The following NCALD variants were observed in gnomAD, a reference collection of about 807,000 sequenced individuals.
NCALD encodes neurocalcin delta, also known as neurocalcin-delta.
Under a neutral mutation model 18.6 loss-of-function variants are expected in NCALD, and 10 were observed. That is an observed-to-expected ratio of 0.54 (90% confidence interval 0.33 to 0.91). NCALD has a LOEUF of 0.91. Ranked by LOEUF, NCALD falls within the 40% of genes least tolerant of loss-of-function variation. The probability of loss-of-function intolerance (pLI) is 0.03; values close to 1 mark genes in which losing one functional copy is unlikely to be tolerated. For missense variants in NCALD, 184 were observed against 247.6 expected (o/e 0.74, Z 1.72); for synonymous variants, 88 against 87.4 (o/e 1.01, Z -0.04).
intron 4 of NCALD, among the ~76,000 whole-genome samples, chr8:101,870,656 C>A (rs1815968057): frequency 6.6e-6 from 1 of 152,090 alleles, no homozygotes; most frequent in Non-Finnish European, 1.5e-5. Flanking sequence ...GTATTCTACA[C>A]AAAGGTCTGA....
At chr8:101,756,007 AAC>A (rs1810862420) in intron 1 of NCALD, among the ~76,000 whole-genome samples, 1 of 152,264 alleles carries the variant, frequency 6.6e-6, no homozygotes, top group East Asian at 1.9e-4. Flanking sequence ...ACAATTCCTA[AAC>A]ACACACTGTG....
intron 4 of NCALD, among the ~76,000 whole-genome samples, chr8:101,816,410 G>A (rs1266059433): frequency 6.6e-6 from 1 of 152,148 alleles, no homozygotes; most frequent in African/African-American, 2.4e-5. Flanking sequence ...GTCATGGCTG[G>A]AAGAATTCTA....
chr8:101,974,365 C>G (rs1820347332), intron 2 of NCALD, among the ~76,000 whole-genome samples: 1 of 152,100 alleles, frequency 6.6e-6, no homozygotes, highest in Admixed American at 6.6e-5. Flanking sequence ...CATGAAAAGT[C>G]CCTGTCCCAT....
intron 2 of NCALD, among the ~76,000 whole-genome samples, chr8:102,002,551 C>T (rs967727159): frequency 6.6e-6 from 1 of 152,166 alleles, no homozygotes; most frequent in Admixed American, 6.5e-5. Flanking sequence ...GAGAACTCTC[C>T]ACCCCAAATC....
intron 1 of NCALD, among the ~76,000 whole-genome samples, chr8:102,070,642 AT>A (rs1824152285): frequency 6.6e-6 from 1 of 152,252 alleles, no homozygotes; most frequent in African/African-American, 2.4e-5. Context: ...AAAATAACTC[AT>A]CATGCATCTT....
At chr8:101,723,073 T>G (rs529576537) in intron 1 of NCALD, among the ~76,000 whole-genome samples, 4 of 152,142 alleles carry the variant, frequency 2.6e-5, no homozygotes, top group Non-Finnish European at 5.9e-5. Flanking sequence ...TTCTGCCCGT[T>G]TGAGTCGAAG....
intron 2 of NCALD, among the ~76,000 whole-genome samples, chr8:101,718,968 G>A (rs770811855): frequency 7.9e-5 from 12 of 152,106 alleles, no homozygotes; most frequent in Non-Finnish European, 1.8e-4. Context: ...TTTATTGATC[G>A]TAACTCTTAC....
intron 1 of NCALD, among the ~76,000 whole-genome samples, chr8:101,727,555 A>G (rs1816627476): frequency 6.6e-6 from 1 of 152,200 alleles, no homozygotes; most frequent in African/African-American, 2.4e-5. Flanking sequence ...GTGCACTAGC[A>G]TGCTACAACC....
chr8:102,002,090 T>C (rs1365168116), intron 2 of NCALD, among the ~76,000 whole-genome samples: 1 of 152,066 alleles, frequency 6.6e-6, no homozygotes, highest in Admixed American at 6.5e-5. Context: ...GCAAATTGGA[T>C]AAAGAGTCAA....
At chr8:101,727,705 T>A (rs368644508) in intron 1 of NCALD, among the ~76,000 whole-genome samples, 11 of 152,268 alleles carry the variant, frequency 7.2e-5, no homozygotes, top group African/African-American at 2.4e-4. Context: ...TAAAGTTCTA[T>A]GAAGTCTTCT....
intron 3 of NCALD, among the ~76,000 whole-genome samples, chr8:101,894,731 A>T (rs1192588076): frequency 1.3e-5 from 2 of 151,452 alleles, no homozygotes; most frequent in Non-Finnish European, 2.9e-5. Flanking sequence ...AATACTACAA[A>T]CACCTCTACG....
Position 101,719,597 on chromosome 8 carries a change from C to T in NCALD, c.33G>A (p.Glu11=), listed in dbSNP as rs772578455. 42 of 1,599,706 alleles carry T rather than the reference C, an allele frequency of 2.6e-5. 1 individual carries two copies. The South Asian group carries it at 4.8e-4, about 18-fold the overall frequency. ...TGCTTTCCAGCAAGTCCTGCATGAC[C>T]TCCGGGCGCAGCTTGCTGTTCTGTT... MGKQNSKLRP[E]VMQDLLESTD... The change falls in exon 2 of 4, where the codon GAG becomes GAA. Residue 11 remains glutamate (E), a synonymous_variant. Coordinates refer to ENST00000220931, the MANE Select transcript of NCALD (RefSeq NM_032041.3).
At chr8:101,881,106 C>G (rs994659638) in intron 4 of NCALD, among the ~76,000 whole-genome samples, 4 of 151,984 alleles carry the variant, frequency 2.6e-5, no homozygotes, top group African/African-American at 9.7e-5. Flanking sequence ...TAAAAGATAA[C>G]AGTAAAAAGG....
At chr8:101,959,884 T>C (rs1365746147) in intron 2 of NCALD, among the ~76,000 whole-genome samples, 1 of 127,742 alleles carries the variant, frequency 7.8e-6, no homozygotes. Flanking sequence ...CAGACACCTT[T>C]TCACCCCCTC....
At chr8:102,048,893 A>G (rs1823336600) in intron 1 of NCALD, among the ~76,000 whole-genome samples, 1 of 152,166 alleles carries the variant, frequency 6.6e-6, no homozygotes, top group African/African-American at 2.4e-5. Context: ...CTCTAACTCA[A>G]CTTTTCCTTA....
At chr8:101,852,884 T>A (rs1815154359) in intron 4 of NCALD, among the ~76,000 whole-genome samples, 1 of 152,188 alleles carries the variant, frequency 6.6e-6, no homozygotes, top group African/African-American at 2.4e-5. Context: ...AAATGCAGAT[T>A]TCTATGTAAA....
At chr8:101,828,061 G>T (rs528400561) in intron 4 of NCALD, among the ~76,000 whole-genome samples, 1 of 152,294 alleles carries the variant, frequency 6.6e-6, no homozygotes, top group South Asian at 2.1e-4. Flanking sequence ...CAAACACTTA[G>T]CATCTTCACT....
chr8:102,106,722 T>C (rs1825467519), intron 1 of NCALD, among the ~76,000 whole-genome samples: 1 of 152,204 alleles, frequency 6.6e-6, no homozygotes, highest in East Asian at 1.9e-4. Context: ...GCTCTAGCTA[T>C]TTCTGCAGCT....
At chr8:101,770,345 T>C (rs1416368489) in intron 1 of NCALD, among the ~76,000 whole-genome samples, 1 of 152,182 alleles carries the variant, frequency 6.6e-6, no homozygotes, top group African/African-American at 2.4e-5. Flanking sequence ...ACTAACCCCT[T>C]AAAGAAATGT....
Sources: allele counts gnomAD v4.1 joint callset (sites outside exome capture counted in the v4.1 genomes callset), GRCh38; gene constraint gnomAD v4.1.1; transcripts MANE v1.5; gene names NCBI Gene and HGNC (gene_info 2026-07-23, HGNC 2026-07-21).